Variants in WWOX observed in about 807,000 individuals in gnomAD.
The protein encoded by WWOX is WW domain containing oxidoreductase, also known as WW domain-containing oxidoreductase.
WWOX carries 69 observed loss-of-function variants against 46.2 expected under a neutral mutation model. That is an observed-to-expected ratio of 1.49 (90% CI 1.23 to 1.82). The LOEUF (loss-of-function observed/expected upper bound fraction) is 1.82. Ranked by LOEUF, WWOX falls within the 40% of genes most tolerant of loss-of-function variation. The pLI, the probability that WWOX is intolerant of heterozygous loss-of-function variation, is 0.00. For missense variants in WWOX, 919 were observed against 542.6 expected, an observed-to-expected ratio of 1.69 and a Z score of -6.89; for synonymous variants, 359 against 202.6, an observed-to-expected ratio of 1.77 and a Z score of -6.56.
intron 8 of WWOX, among the ~76,000 whole-genome samples, chr16:78,668,271 A>T (rs1331790132): frequency 6.6e-6 from 1 of 152,178 alleles, no homozygotes; most frequent in East Asian, 1.9e-4. Flanking sequence ...ACAGAGCAAG[A>T]CTTTGTCTCA....
intron 4 of WWOX, among the ~76,000 whole-genome samples, chr16:78,163,736 G>T (rs2034875717): frequency 6.6e-6 from 1 of 152,188 alleles, no homozygotes; most frequent in Non-Finnish European, 1.5e-5. Context: ...AGAGGTGCTG[G>T]CGACACTTAC....
intron 4 of WWOX, among the ~76,000 whole-genome samples, chr16:78,139,298 G>C (rs2033905649): frequency 6.6e-6 from 1 of 152,162 alleles, no homozygotes; most frequent in African/African-American, 2.4e-5. Context: ...AGAATTGTCG[G>C]GGGTGGGGTT....
At chr16:78,376,684 C>G (rs1445037849) in intron 5 of WWOX, among the ~76,000 whole-genome samples, 6 of 152,088 alleles carry the variant, frequency 3.9e-5, no homozygotes, top group African/African-American at 1.2e-4. Flanking sequence ...CCTCTGCCCC[C>G]TGGATGCCAG....
intron 6 of WWOX, among the ~76,000 whole-genome samples, chr16:78,390,206 CTT>C (rs1042926594): frequency 6.6e-6 from 1 of 152,236 alleles, no homozygotes; most frequent in Non-Finnish European, 1.5e-5. Context: ...CGCTGAATAA[CTT>C]TGTCCAGTTC....
chr16:78,784,064 C>A (rs576396406), intron 8 of WWOX, among the ~76,000 whole-genome samples: 2 of 152,132 alleles, frequency 1.3e-5, no homozygotes, highest in Admixed American at 1.3e-4. Context: ...TCAACAGATA[C>A]CATGTACTGA....
At chr16:78,674,496 G>T (rs780520295) in intron 8 of WWOX, among the ~76,000 whole-genome samples, 2 of 151,928 alleles carry the variant, frequency 1.3e-5, no homozygotes, top group Non-Finnish European at 2.9e-5. Flanking sequence ...TGTTAGCCAG[G>T]CTGGTCTCAA....
Position 78,539,760 on chromosome 16 carries a change from G to A in WWOX, c.1056+107008G>A, listed in dbSNP as rs374542242. On this transcript the variant is annotated intron_variant, in intron 8 of 8. Coordinates refer to ENST00000566780, the MANE Select transcript of WWOX (RefSeq NM_016373.4). The stretch of plus-strand genomic sequence containing the variant: ...ATTAGTAATGCTAATGTCGGGGTGA[G>A]ATGCAATAGATAATCTAACACCAGC... Among the ~76,000 whole-genome samples the A allele has an allele frequency of 1.4e-4, 21 of 152,276 alleles. No homozygotes were observed. The East Asian group carries it at 2.1e-3, about 15-fold the overall frequency.
At chr16:78,601,636 C>G (rs1316771534) in intron 8 of WWOX, among the ~76,000 whole-genome samples, 1 of 152,110 alleles carries the variant, frequency 6.6e-6, no homozygotes, top group African/African-American at 2.4e-5. Context: ...AATCAAGAAG[C>G]TATGAATACC....
intron 8 of WWOX, among the ~76,000 whole-genome samples, chr16:78,933,453 C>G (rs2045667332): frequency 6.6e-6 from 1 of 151,930 alleles, no homozygotes. Flanking sequence ...AACAAACAAA[C>G]AAAAAAAGTC....
chr16:78,527,160 A>C (rs959861534), intron 8 of WWOX, among the ~76,000 whole-genome samples: 16 of 152,274 alleles, frequency 1.1e-4, no homozygotes, highest in African/African-American at 3.6e-4. Context: ...CGGGGTAAAA[A>C]AACAACAAAA....
intron 8 of WWOX, among the ~76,000 whole-genome samples, chr16:78,675,391 C>G (rs953209119): frequency 6.6e-6 from 1 of 152,182 alleles, no homozygotes; most frequent in Non-Finnish European, 1.5e-5. Context: ...TTTACAGAAA[C>G]TCATCTCTGC....
At chr16:78,404,340 T>C (rs2082476834) in intron 6 of WWOX, among the ~76,000 whole-genome samples, 1 of 152,134 alleles carries the variant, frequency 6.6e-6, no homozygotes, top group African/African-American at 2.4e-5. Flanking sequence ...TAACCCTAGG[T>C]GTGAGAGCAC....
intron 8 of WWOX, among the ~76,000 whole-genome samples, chr16:78,966,558 C>T (rs1015831259): frequency 6.6e-6 from 1 of 151,344 alleles, no homozygotes; most frequent in African/African-American, 2.4e-5. Flanking sequence ...TAGATTGTTT[C>T]TAAATTTTCC....
At chr16:78,523,954 C>A (rs934551786) in intron 8 of WWOX, among the ~76,000 whole-genome samples, 2 of 152,122 alleles carry the variant, frequency 1.3e-5, no homozygotes, top group Non-Finnish European at 2.9e-5. Flanking sequence ...TTCTTCTTTC[C>A]CTCAGTATTT....
chr16:78,758,787 C>G (rs1046739291), intron 8 of WWOX, among the ~76,000 whole-genome samples: 1 of 151,944 alleles, frequency 6.6e-6, no homozygotes, highest in Admixed American at 6.6e-5. Context: ...ATGATGTATA[C>G]AAGACATTAG....
intron 8 of WWOX, among the ~76,000 whole-genome samples, chr16:78,501,561 G>C (rs1014727840): frequency 6.6e-6 from 1 of 150,994 alleles, no homozygotes; most frequent in African/African-American, 2.4e-5. Flanking sequence ...TTTTGAGATG[G>C]AGTCTTCCTC....
chr16:78,385,904 C>T (rs1484948506), intron 5 of WWOX, among the ~76,000 whole-genome samples: 2 of 152,144 alleles, frequency 1.3e-5, no homozygotes, highest in South Asian at 2.1e-4. Flanking sequence ...CACTCCGAAG[C>T]GCACCCAGAT....
At chr16:78,662,937 C>T (rs2047250909) in intron 8 of WWOX, among the ~76,000 whole-genome samples, 1 of 152,152 alleles carries the variant, frequency 6.6e-6, no homozygotes, top group Non-Finnish European at 1.5e-5. Context: ...GTGAGAGAGA[C>T]CGCAGCCAGG....
chr16:78,345,960 A>T lies in WWOX; in HGVS notation c.517-40900A>T, dbSNP rs538969799. ...ACATGCCCATGAAACCAACACGAAA[A>T]TAAAAAAAATAGAACATTTACATCA... is the stretch of plus-strand genomic sequence containing the variant. On this transcript the variant is annotated intron_variant, in intron 5 of 8. Transcript: ENST00000566780. 4.9e-4 allele frequency among the ~76,000 whole-genome samples: 53 copies of T among 108,900 alleles called. 9 individuals are homozygous for T. The highest frequency in any genetic ancestry group is 2.1e-3 in the African/African-American group (53 of 24,888). The allele number at this position is 108,900 out of a possible 152,430, so 71.4% of individuals were successfully genotyped here.
Sources: allele counts gnomAD v4.1 joint callset (sites outside exome capture counted in the v4.1 genomes callset), GRCh38; gene constraint gnomAD v4.1.1; transcripts MANE v1.5; gene names NCBI Gene and HGNC (gene_info 2026-07-23, HGNC 2026-07-21).